Variants in LRBA observed in about 807,000 individuals in gnomAD.
LRBA encodes LPS responsive beige-like anchor protein.
A neutral mutation model predicts 330.0 loss-of-function variants in LRBA; 176 were observed. The ratio of observed to expected loss-of-function variants is 0.53; its 90% CI spans 0.47 to 0.60. LRBA has a LOEUF of 0.60. Among genes scored for constraint, LRBA ranks in the 20% least tolerant of loss-of-function variants. The pLI, the probability that LRBA is intolerant of heterozygous loss-of-function variation, is 0.00. For synonymous variants in LRBA, 1,230 were observed against 1,193.0 expected (o/e 1.03, Z -0.64); for missense variants, 3,259 against 3,444.8 (o/e 0.95, Z 1.35).
At chr4:150,914,066 T>G in intron 9 of LRBA, 129 bp downstream of exon 9, 1 of 639,986 alleles carries the variant, frequency 1.6e-6, no homozygotes. Context: ...CACCCTGCTG[T>G]GGTATCAAAT....
chr4:150,488,477 T>C (rs557288200), intron 41 of LRBA, among the ~76,000 whole-genome samples: 25 of 151,738 alleles, frequency 1.6e-4, no homozygotes, highest in African/African-American at 5.8e-4. Flanking sequence ...TGCTTTCTCA[T>C]CCTATTTCAA....
At chr4:150,395,634 G>A (rs1744630240) in intron 47 of LRBA, among the ~76,000 whole-genome samples, 1 of 152,066 alleles carries the variant, frequency 6.6e-6, no homozygotes. Context: ...GTAAGAGAAA[G>A]TACCAACTCC....
intron 40 of LRBA, among the ~76,000 whole-genome samples, chr4:150,502,639 G>A (rs10006175): frequency 9.9e-5 from 15 of 152,232 alleles, no homozygotes; most frequent in Admixed American, 3.9e-4. Flanking sequence ...CACAGAAGAC[G>A]GGTGATTTCT....
At chr4:150,557,160 A>C (rs1335526100) in intron 40 of LRBA, among the ~76,000 whole-genome samples, 1 of 152,188 alleles carries the variant, frequency 6.6e-6, no homozygotes, top group African/African-American at 2.4e-5. Flanking sequence ...TGAAGGGGTA[A>C]GTAAAAAAAA....
At chr4:150,516,004 T>C (rs1762294551) in intron 40 of LRBA, among the ~76,000 whole-genome samples, 1 of 152,018 alleles carries the variant, frequency 6.6e-6, no homozygotes, top group South Asian at 2.1e-4. Flanking sequence ...ATGAGTTTTA[T>C]AAATTATAAT....
chr4:150,730,596 T>C (rs1171755619), intron 36 of LRBA, among the ~76,000 whole-genome samples: 1 of 138,208 alleles, frequency 7.2e-6, no homozygotes, highest in Non-Finnish European at 1.5e-5. Flanking sequence ...GCCATGAGAA[T>C]CCCCTGAACC....
intron 40 of LRBA, among the ~76,000 whole-genome samples, chr4:150,527,296 T>C (rs1413397366): frequency 6.6e-6 from 1 of 152,216 alleles, no homozygotes; most frequent in Non-Finnish European, 1.5e-5. Context: ...CAGAGGGCTC[T>C]GTACCTGAGG....
intron 48 of LRBA, among the ~76,000 whole-genome samples, chr4:150,329,210 G>C (rs1733681317): frequency 6.6e-6 from 1 of 152,160 alleles, no homozygotes; most frequent in Non-Finnish European, 1.5e-5. Context: ...GGAATTCTCA[G>C]ACACAAATGC....
chr4:150,999,870 C>T lies in LRBA; in HGVS notation c.216+14557G>A, dbSNP rs1167866380. ...TAAGCAAAACAGACAAAAATCTCTA[C>T]TCTTATGAAACATAAACAGTAGTCC... is the stretch of plus-strand genomic sequence containing the variant. On this transcript the variant is annotated intron_variant, in intron 2 of 56. Transcript: ENST00000651943. 2.0e-5 allele frequency among the ~76,000 whole-genome samples: 3 copies of T among 152,308 alleles called. No individual in the cohort carries two copies. The East Asian group carries it at 5.8e-4, about 29-fold the overall frequency.
At chr4:150,601,897 T>C (rs1420416627) in intron 37 of LRBA, among the ~76,000 whole-genome samples, 1 of 151,930 alleles carries the variant, frequency 6.6e-6, no homozygotes, top group Non-Finnish European at 1.5e-5. Flanking sequence ...TTCACCATAT[T>C]AGCCAGGATG....
Position 151,003,351 on chromosome 4 carries a change from C to G in LRBA, c.216+11076G>C, listed in dbSNP as rs1579464208. 4.2e-5 allele frequency among the ~76,000 whole-genome samples: 6 copies of G among 143,560 alleles called. 1 individual carries two copies. In the South Asian group the frequency reaches 1.1e-3, roughly 26 times the overall value. 94.2% of individuals were successfully genotyped at this position (143,560 alleles called of 152,430 possible). A position where few individuals can be genotyped will look rare whatever the true frequency, so the allele number is the denominator to read the frequency against. On this transcript the variant is annotated intron_variant, in intron 2 of 56. Coordinates refer to ENST00000651943, the MANE Select transcript of LRBA (RefSeq NM_001364905.1). ...GGCGAAGGTTACAGTGAGCCAAAATCAAGCCACTTCACTCCAGCCTGGGTG... is the reference window on the plus strand; with the variant it reads ...GGCGAAGGTTACAGTGAGCCAAAATGAAGCCACTTCACTCCAGCCTGGGTG...
chr4:150,344,732 G>A (rs1035660162), intron 48 of LRBA, among the ~76,000 whole-genome samples: 1 of 152,068 alleles, frequency 6.6e-6, no homozygotes, highest in African/African-American at 2.4e-5. Context: ...TCATCTTTTT[G>A]TAGAGATGAA....
At chr4:150,864,644 CTTTTTTTTT>C (rs34280757) in intron 22 of LRBA, among the ~76,000 whole-genome samples, 2 of 118,454 alleles carry the variant, frequency 1.7e-5, no homozygotes, top group African/African-American at 6.3e-5. Flanking sequence ...GGCCCACGTT[CTTTTTTTTT>C]TTTTTTTTTT....
At chr4:150,503,207 G>C (rs191175137) in intron 40 of LRBA, among the ~76,000 whole-genome samples, 11 of 152,250 alleles carry the variant, frequency 7.2e-5, no homozygotes, top group African/African-American at 2.6e-4. Context: ...AGAGAGTAGT[G>C]GTTCTCCCAG....
intron 40 of LRBA, among the ~76,000 whole-genome samples, chr4:150,503,794 G>A (rs1209587607): frequency 6.6e-6 from 1 of 152,108 alleles, no homozygotes; most frequent in Non-Finnish European, 1.5e-5. Flanking sequence ...AAACTACGCT[G>A]AGCTACAGGA....
chr4:151,011,852 A>G (rs1429954240), intron 2 of LRBA, among the ~76,000 whole-genome samples: 1 of 151,010 alleles, frequency 6.6e-6, no homozygotes, highest in Non-Finnish European at 1.5e-5. Flanking sequence ...TTTTTTATTT[A>G]ATTTTTTTTT....
At chr4:150,516,605 A>G (rs1158378029) in intron 40 of LRBA, among the ~76,000 whole-genome samples, 1 of 152,078 alleles carries the variant, frequency 6.6e-6, no homozygotes, top group African/African-American at 2.4e-5. Context: ...AAGAATATAA[A>G]AGGAATTTCA....
Position 150,420,466 on chromosome 4 carries a change from T to C in LRBA, c.7042-4876A>G, listed in dbSNP as rs1422405886. Among the ~76,000 whole-genome samples, 15 of 86,718 alleles carry C rather than the reference T, an allele frequency of 1.7e-4. 2 individuals are homozygous for C. The highest frequency in any genetic ancestry group is 6.9e-4 in the East Asian group (2 of 2,896). 56.9% of individuals were successfully genotyped at this position (86,718 alleles called of 152,430 possible). On this transcript the variant is annotated intron_variant, in intron 46 of 56. Transcript: ENST00000651943. Reference sequence around the variant, plus strand: ...ACATATATAATATATAAAGTATATATAATACACATTATAATATATATAAAG... The same window carrying C: ...ACATATATAATATATAAAGTATATACAATACACATTATAATATATATAAAG...
chr4:150,814,858 T>C (rs1025355238), intron 31 of LRBA, among the ~76,000 whole-genome samples: 1 of 152,014 alleles, frequency 6.6e-6, no homozygotes, highest in African/African-American at 2.4e-5. Context: ...TAATTCTGCA[T>C]ACAGTTTTTC....
Sources: allele counts gnomAD v4.1 joint callset (sites outside exome capture counted in the v4.1 genomes callset), GRCh38; gene constraint gnomAD v4.1.1; transcripts MANE v1.5; gene names NCBI Gene and HGNC (gene_info 2026-07-23, HGNC 2026-07-21).